Variants in TMEM163 observed in about 807,000 individuals in gnomAD.
TMEM163 encodes the protein transmembrane protein 163.
A neutral mutation model predicts 29.3 loss-of-function variants in TMEM163; 17 were observed. The observed-to-expected ratio is 0.58, with a 90% CI of 0.40 to 0.87. The LOEUF is 0.87. TMEM163 is among the 40% of genes least tolerant of loss of function. The probability of loss-of-function intolerance (pLI) is 0.00; values close to 1 mark genes in which losing one functional copy is unlikely to be tolerated. For missense variants in TMEM163, 303 were observed against 381.5 expected (o/e 0.79, Z 1.71); for synonymous variants, 157 against 160.6 (o/e 0.98, Z 0.17).
chr2:134,565,289 C>T (rs923537960), intron 2 of TMEM163, among the ~76,000 whole-genome samples: 1 of 151,684 alleles, frequency 6.6e-6, no homozygotes, highest in African/African-American at 2.4e-5. Flanking sequence ...GCTATTCCAT[C>T]CCTAGATATA....
chr2:134,577,770 C>T (rs190177859), intron 2 of TMEM163, among the ~76,000 whole-genome samples: 5 of 143,258 alleles, frequency 3.5e-5, no homozygotes, highest in African/African-American at 1.3e-4. Flanking sequence ...TCTGTGGGTT[C>T]TTTATCTGTG....
At chr2:134,648,078 C>T (rs977692083) in intron 2 of TMEM163, among the ~76,000 whole-genome samples, 59 of 152,254 alleles carry the variant, frequency 3.9e-4, no homozygotes, top group African/African-American at 1.1e-3. Flanking sequence ...TGAGGTCACA[C>T]AAACAAATCA....
intron 2 of TMEM163, among the ~76,000 whole-genome samples, chr2:134,669,711 G>T (rs1683948034): frequency 1.3e-5 from 2 of 152,188 alleles, no homozygotes; most frequent in African/African-American, 4.8e-5. Flanking sequence ...ACCTCCTGAG[G>T]CTGGGTCACA....
chr2:134,629,207 A>C (rs924174049), intron 2 of TMEM163, among the ~76,000 whole-genome samples: 1 of 152,264 alleles, frequency 6.6e-6, no homozygotes, highest in Non-Finnish European at 1.5e-5. Flanking sequence ...ATCCAAGATC[A>C]TATAGGCAGG....
chr2:134,617,650 T>G (rs1682638494), intron 2 of TMEM163, among the ~76,000 whole-genome samples: 1 of 145,740 alleles, frequency 6.9e-6, no homozygotes, highest in South Asian at 2.2e-4. Flanking sequence ...TAGAAAATAT[T>G]TGATTAATAT....
chr2:134,528,204 T>G (rs1304751474), intron 4 of TMEM163, among the ~76,000 whole-genome samples: 1 of 152,218 alleles, frequency 6.6e-6, no homozygotes, highest in Non-Finnish European at 1.5e-5. Flanking sequence ...CAGGAAACTA[T>G]TCTAGAAGTT....
intron 2 of TMEM163, among the ~76,000 whole-genome samples, chr2:134,707,254 G>A (rs1684835359): frequency 1.3e-5 from 2 of 152,198 alleles, no homozygotes; most frequent in South Asian, 4.1e-4. Context: ...GAGGCCCGGG[G>A]CTGTGAAAAG....
chr2:134,552,656 CTTTT>C (rs35785546), intron 2 of TMEM163, among the ~76,000 whole-genome samples: 4 of 113,524 alleles, frequency 3.5e-5, no homozygotes, highest in South Asian at 2.8e-4. Context: ...TATTTTGATC[CTTTT>C]TTTTTTTTTT....
intron 2 of TMEM163, among the ~76,000 whole-genome samples, chr2:134,585,634 A>C (rs842352): frequency 0.23 from 35,617 of 151,774 alleles, 4,877 homozygotes; most frequent in Middle Eastern, 0.47. Context: ...CCCAGCTACT[A>C]GGGAGGCTGA....
chr2:134,627,152 C>A (rs1682870652), intron 2 of TMEM163, among the ~76,000 whole-genome samples: 1 of 152,120 alleles, frequency 6.6e-6, no homozygotes. Flanking sequence ...AACCTATATT[C>A]CTCCCTTTGA....
intron 2 of TMEM163, among the ~76,000 whole-genome samples, chr2:134,592,383 G>A (rs1681956148): frequency 1.3e-5 from 2 of 152,222 alleles, no homozygotes; most frequent in East Asian, 3.9e-4. Flanking sequence ...GCTTTGCAAG[G>A]CCATTTCAAA....
At chr2:134,548,245 A>T (rs1272018920) in intron 4 of TMEM163, among the ~76,000 whole-genome samples, 1 of 152,262 alleles carries the variant, frequency 6.6e-6, no homozygotes, top group East Asian at 1.9e-4. Flanking sequence ...ATTTAAGTTT[A>T]ACCAATATAT....
chr2:134,542,670 A>C (rs1206626903), intron 4 of TMEM163, among the ~76,000 whole-genome samples: 1 of 152,124 alleles, frequency 6.6e-6, no homozygotes, highest in African/African-American at 2.4e-5. Flanking sequence ...GTCCGCGGAA[A>C]AATTTTCTTC....
intron 2 of TMEM163, among the ~76,000 whole-genome samples, chr2:134,683,232 G>A (rs1331139703): frequency 2.0e-5 from 3 of 152,116 alleles, no homozygotes; most frequent in African/African-American, 7.2e-5. Context: ...GAGCCCTAAT[G>A]TAAATAATGG....
In TMEM163 at chr2:134,614,856, A is replaced by T. The variant is rs543635363; in HGVS notation, c.323-62765T>A. ...GCGACAGAGTGAGAGACTTCATCTAAAAAAAAAAAACAAAACACATTTTCT... is the reference window on the plus strand; with the variant it reads ...GCGACAGAGTGAGAGACTTCATCTATAAAAAAAAAACAAAACACATTTTCT... On this transcript the variant is annotated intron_variant, in intron 2 of 7. Coordinates refer to ENST00000281924, the MANE Select transcript of TMEM163 (RefSeq NM_030923.5). 3.3e-5 allele frequency among the ~76,000 whole-genome samples: 5 copies of T among 149,640 alleles called. No homozygotes were observed. In the South Asian group the frequency reaches 1.0e-3, roughly 31 times the overall value.
In TMEM163 at chr2:134,460,082, C is replaced by CCT. The variant is rs1553471217; in HGVS notation, c.668-1910_668-1909insAG. On this transcript the variant is annotated intron_variant, in intron 6 of 7. Coordinates refer to ENST00000281924, the MANE Select transcript of TMEM163 (RefSeq NM_030923.5). The surrounding 1 kb of genome is among the most constrained non-coding windows in gnomAD (Gnocchi z 4.3). Reference sequence around the variant, plus strand: ...AGCCCCTTGCCAGATGTTACCCCCCCCCAAATTCATTCTCACTCTCCCCGC... The same window carrying CCT: ...AGCCCCTTGCCAGATGTTACCCCCCCCTCCAAATTCATTCTCACTCTCCCCGC... Among the ~76,000 whole-genome samples the CCT allele has an allele frequency of 6.1e-3, 901 of 148,760 alleles. 11 individuals are homozygous for CCT. The highest frequency in any genetic ancestry group is 0.02 in the African/African-American group (805 of 40,580).
intron 2 of TMEM163, among the ~76,000 whole-genome samples, chr2:134,705,030 C>T (rs143671375): frequency 0.02 from 2,977 of 151,824 alleles, 146 homozygotes; most frequent in East Asian, 0.2. Context: ...GCCAACATGG[C>T]GAAACCCCGG....
intron 2 of TMEM163, among the ~76,000 whole-genome samples, chr2:134,584,437 G>A (rs16830836): frequency 6.6e-6 from 1 of 152,114 alleles, no homozygotes; most frequent in Non-Finnish European, 1.5e-5. Context: ...AATGTCCAGA[G>A]ATCATTATGT....
At chr2:134,618,020 G>A (rs1682647520) in intron 2 of TMEM163, among the ~76,000 whole-genome samples, 1 of 152,012 alleles carries the variant, frequency 6.6e-6, no homozygotes, top group South Asian at 2.1e-4. Flanking sequence ...AGGCTGATGT[G>A]GGAGGATCAC....
Sources: gnomAD v4.1 joint callset for allele counts (sites outside exome capture counted in the v4.1 genomes callset) on GRCh38, gnomAD v4.1.1 for gene constraint, Gnocchi (gnomAD v3.1) non-coding constraint, MANE v1.5 for transcripts, NCBI Gene and HGNC (gene_info 2026-07-23, HGNC 2026-07-21) for gene names.